The following MBNL1 variants were observed in gnomAD, a reference collection of about 807,000 sequenced individuals.
The protein encoded by MBNL1 is muscleblind-like protein 1.
MBNL1 carries 8 observed loss-of-function variants against 42.2 expected under a neutral mutation model. That is an observed-to-expected ratio of 0.19 (90% CI 0.11 to 0.34). MBNL1 has a LOEUF of 0.34. Among genes scored for constraint, MBNL1 ranks in the 10% least tolerant of loss-of-function variants. The probability of loss-of-function intolerance (pLI) is 1.00; values close to 1 mark genes in which losing one functional copy is unlikely to be tolerated. For missense variants in MBNL1, 309 were observed against 495.3 expected (o/e 0.62, Z 3.57); for synonymous variants, 169 against 173.9 (o/e 0.97, Z 0.22).
chr3:152,246,224 A>C (rs977107332), intron 2 of MBNL1, among the ~76,000 whole-genome samples: 5 of 152,212 alleles, frequency 3.3e-5, no homozygotes, highest in Non-Finnish European at 7.4e-5. Context: ...TATACTAAAT[A>C]ATGGCTAACA....
At chr3:152,340,835 A>G in intron 2 of MBNL1, 1 of 1,613,954 alleles carries the variant, frequency 6.2e-7, no homozygotes. Context: ...ATCCCACCTA[A>G]AGCAGCCAGT....
chr3:152,382,144 G>A (rs1315427056), intron 2 of MBNL1, among the ~76,000 whole-genome samples: 3 of 151,960 alleles, frequency 2.0e-5, no homozygotes, highest in African/African-American at 4.8e-5. Context: ...GTATGAAATA[G>A]TTTTCCTTTA....
At chr3:152,357,243 AG>A (rs745350016) in intron 2 of MBNL1, among the ~76,000 whole-genome samples, 1 of 152,170 alleles carries the variant, frequency 6.6e-6, no homozygotes, top group Non-Finnish European at 1.5e-5. Context: ...ACAAGGACGG[AG>A]GCAGGATTCA....
At chr3:152,261,762 G>C (rs2036322760) in intron 2 of MBNL1, among the ~76,000 whole-genome samples, 1 of 152,140 alleles carries the variant, frequency 6.6e-6, no homozygotes, top group African/African-American at 2.4e-5. Context: ...CATGTTGCTA[G>C]GACAATATTT....
intron 2 of MBNL1, among the ~76,000 whole-genome samples, chr3:152,386,854 C>G (rs2097451392): frequency 6.6e-6 from 1 of 152,070 alleles, no homozygotes; most frequent in Non-Finnish European, 1.5e-5. Context: ...CCTTATGGCT[C>G]TGACTTTAAT....
chr3:152,422,327 A>G (rs2153694545), intron 3 of MBNL1, among the ~76,000 whole-genome samples: 1 of 152,096 alleles, frequency 6.6e-6, no homozygotes, highest in South Asian at 2.1e-4. Context: ...CAGACTTTAA[A>G]CCAACCATGA....
intron 1 of MBNL1, among the ~76,000 whole-genome samples, chr3:152,283,913 T>A (rs996442694): frequency 6.6e-5 from 10 of 152,346 alleles, no homozygotes; most frequent in African/African-American, 1.9e-4. Flanking sequence ...CTTTTGAAAC[T>A]AACCTTGACC....
intron 2 of MBNL1, among the ~76,000 whole-genome samples, chr3:152,380,888 A>C (rs1452822611): frequency 6.6e-6 from 1 of 152,102 alleles, no homozygotes; most frequent in Non-Finnish European, 1.5e-5. Flanking sequence ...TCACAAGCCA[A>C]TTCTAAGTTA....
At chr3:152,439,778 G>T (rs747828389) in intron 4 of MBNL1, among the ~76,000 whole-genome samples, 13 of 152,234 alleles carry the variant, frequency 8.5e-5, no homozygotes, top group Non-Finnish European at 1.3e-4. Flanking sequence ...GAGCAGGGAG[G>T]TTGAGGCTGC....
At chr3:152,397,712 C>T (rs1253702067) in intron 2 of MBNL1, among the ~76,000 whole-genome samples, 1 of 152,004 alleles carries the variant, frequency 6.6e-6, no homozygotes, top group Non-Finnish European at 1.5e-5. Context: ...TTAAAATAAC[C>T]CTATTGACTA....
chr3:152,427,005 C>T (rs138566467), intron 3 of MBNL1, among the ~76,000 whole-genome samples: 1 of 152,248 alleles, frequency 6.6e-6, no homozygotes, highest in East Asian at 1.9e-4. Context: ...TTTTTTGGTT[C>T]TTTACTTTCC....
intron 2 of MBNL1, among the ~76,000 whole-genome samples, chr3:152,388,625 G>A (rs770304931): frequency 6.6e-6 from 1 of 152,170 alleles, no homozygotes; most frequent in Admixed American, 6.5e-5. Context: ...CTTTGAGGAG[G>A]TATGACTAGG....
chr3:152,307,545 T>A (rs1290671952), intron 2 of MBNL1, among the ~76,000 whole-genome samples: 1 of 152,244 alleles, frequency 6.6e-6, no homozygotes, highest in African/African-American at 2.4e-5. Flanking sequence ...CATAGTATTT[T>A]GTCCCTATAA....
intron 2 of MBNL1, among the ~76,000 whole-genome samples, chr3:152,365,008 A>G (rs956429982): frequency 6.6e-6 from 1 of 152,116 alleles, no homozygotes; most frequent in Admixed American, 6.6e-5. Flanking sequence ...GTCTTTGACA[A>G]TTGACCTCTC....
At chr3:152,358,524 T>C (rs944195705) in intron 2 of MBNL1, among the ~76,000 whole-genome samples, 2 of 152,174 alleles carry the variant, frequency 1.3e-5, no homozygotes, top group Non-Finnish European at 2.9e-5. Flanking sequence ...CAATTAGTTT[T>C]CCCTGCAACT....
intron 2 of MBNL1, among the ~76,000 whole-genome samples, chr3:152,370,883 A>G (rs1008144776): frequency 2.0e-5 from 3 of 149,724 alleles, no homozygotes; most frequent in South Asian, 2.1e-4. Flanking sequence ...TTTTGAGCCT[A>G]TGTGTGTCTT....
At position 152,447,617 on chromosome 3, in the gene MBNL1, C is replaced by T. The variant is rs776097903; in HGVS notation, c.808-3C>T. On this transcript the variant is annotated splice_region_variant and splice_polypyrimidine_tract_variant and intron_variant, in intron 5 of 9. Coordinates refer to ENST00000324210, the MANE Select transcript of MBNL1 (RefSeq NM_021038.5). ...TTGTTTTTTATACTCATTCACTAAA[C>T]AGGGAATTCCTCAAGCTGTACTTCC... is the stretch of plus-strand genomic sequence containing the variant. 1.2e-6 allele frequency: 2 copies of T among 1,609,936 alleles called. No homozygotes were observed. Among genetic ancestry groups the T allele is most frequent in the Admixed American group, 1.7e-5 (1 of 59,514 alleles).
chr3:152,342,200 C>G (rs1448047862), intron 2 of MBNL1, among the ~76,000 whole-genome samples: 1 of 152,062 alleles, frequency 6.6e-6, no homozygotes, highest in African/African-American at 2.4e-5. Context: ...AGTGCCAGTT[C>G]TCAAATCAGT....
intron 2 of MBNL1, among the ~76,000 whole-genome samples, chr3:152,257,985 T>C (rs1333469770): frequency 6.6e-6 from 1 of 152,192 alleles, no homozygotes; most frequent in Admixed American, 6.5e-5. Flanking sequence ...AATCAATAGT[T>C]ATGTTTCTAA....
Sources: gnomAD v4.1 joint callset for allele counts (sites outside exome capture counted in the v4.1 genomes callset) on GRCh38, gnomAD v4.1.1 for gene constraint, MANE v1.5 for transcripts, NCBI Gene and HGNC (gene_info 2026-07-23, HGNC 2026-07-21) for gene names.